ZNF423: variants seen among roughly 807,000 people sequenced by gnomAD.
ZNF423 encodes Ebf-associated zinc finger protein.
Under a neutral mutation model 95.8 loss-of-function variants are expected in ZNF423, and 12 were observed. That is an observed-to-expected ratio of 0.13 (90% CI 0.08 to 0.20). The LOEUF (loss-of-function observed/expected upper bound fraction) is 0.20, where lower values mean the gene tolerates loss of function less well. Ranked by LOEUF, ZNF423 falls within the 10% of genes least tolerant of loss-of-function variation. The probability of loss-of-function intolerance (pLI) is 1.00; values close to 1 mark genes in which losing one functional copy is unlikely to be tolerated. For synonymous variants in ZNF423, 749 were observed against 711.9 expected (o/e 1.05, Z -0.83); for missense variants, 1,316 against 1,737.1 (o/e 0.76, Z 4.31).
At chr16:49,801,731 T>C (rs2034585527) in intron 1 of ZNF423, among the ~76,000 whole-genome samples, 3 of 152,234 alleles carry the variant, frequency 2.0e-5, no homozygotes, top group Admixed American at 1.3e-4. Flanking sequence ...CTTTGATGCG[T>C]GCTTAAGTTT....
chr16:49,597,885 T>G (rs1358731445), intron 5 of ZNF423, among the ~76,000 whole-genome samples: 1 of 152,210 alleles, frequency 6.6e-6, no homozygotes, highest in African/African-American at 2.4e-5. Context: ...CTGGCCTTGT[T>G]CATTCCTCAG....
At chr16:49,803,266 T>C (rs1485339225) in intron 1 of ZNF423, among the ~76,000 whole-genome samples, 1 of 146,476 alleles carries the variant, frequency 6.8e-6, no homozygotes, top group South Asian at 2.3e-4. Context: ...CTCAAAAAAA[T>C]AAAAAATAAA....
chr16:49,775,491 T>C (rs756472346), intron 2 of ZNF423, among the ~76,000 whole-genome samples: 3 of 152,200 alleles, frequency 2.0e-5, no homozygotes, highest in Non-Finnish European at 2.9e-5. Flanking sequence ...TAGCACTTAT[T>C]GGGGACATGC....
intron 3 of ZNF423, among the ~76,000 whole-genome samples, chr16:49,676,648 C>T (rs960901714): frequency 6.6e-6 from 1 of 152,044 alleles, no homozygotes; most frequent in African/African-American, 2.4e-5. Context: ...CACTCATACA[C>T]AAATGTCAAC....
chr16:49,607,069 A>ATT (rs56023806), intron 5 of ZNF423, among the ~76,000 whole-genome samples: 4,399 of 140,976 alleles, frequency 0.031, 109 homozygotes, highest in Non-Finnish European at 0.045. Flanking sequence ...AATGTTTTGG[A>ATT]TTTTTTTTTT....
At chr16:49,542,706 G>T (rs1451867545) in intron 5 of ZNF423, among the ~76,000 whole-genome samples, 2 of 152,216 alleles carry the variant, frequency 1.3e-5, no homozygotes, top group Non-Finnish European at 2.9e-5. Flanking sequence ...GGTGCAGGCT[G>T]GGCCCCAGCC....
chr16:49,698,302 C>T (rs1376135795), intron 3 of ZNF423, among the ~76,000 whole-genome samples: 1 of 151,758 alleles, frequency 6.6e-6, no homozygotes, highest in Non-Finnish European at 1.5e-5. Context: ...TCTGAGTGTG[C>T]AGCCTGCTCA....
chr16:49,601,472 C>A (rs1167621423), intron 5 of ZNF423, among the ~76,000 whole-genome samples: 1 of 152,208 alleles, frequency 6.6e-6, no homozygotes, highest in East Asian at 1.9e-4. Flanking sequence ...AAACTTCCCA[C>A]AGGAACGGAA....
chr16:49,534,279 A>C (rs1968975585), intron 5 of ZNF423, among the ~76,000 whole-genome samples: 1 of 147,718 alleles, frequency 6.8e-6, no homozygotes, highest in African/African-American at 2.5e-5. Flanking sequence ...TTTGAGACCG[A>C]GTTTCACTCT....
intron 3 of ZNF423, among the ~76,000 whole-genome samples, chr16:49,651,201 T>A (rs545576424): frequency 2.8e-4 from 42 of 151,040 alleles, no homozygotes; most frequent in African/African-American, 1.0e-3. Flanking sequence ...TAATTTTTTT[T>A]TTTTTGTAGA....
chr16:49,634,649 G>A (rs137999822), intron 4 of ZNF423, among the ~76,000 whole-genome samples: 52 of 152,304 alleles, frequency 3.4e-4, no homozygotes, highest in African/African-American at 1.1e-3. Flanking sequence ...CCTGCCAATG[G>A]TGCCAGCAGC....
chr16:49,782,948 G>A (rs1023972714), intron 2 of ZNF423, among the ~76,000 whole-genome samples: 2 of 149,364 alleles, frequency 1.3e-5, no homozygotes, highest in South Asian at 4.2e-4. Flanking sequence ...ACATAGCAAG[G>A]CCCTGTCTCA....
At chr16:49,742,610 G>A (rs1256127082) in intron 2 of ZNF423, among the ~76,000 whole-genome samples, 1 of 152,126 alleles carries the variant, frequency 6.6e-6, no homozygotes, top group Non-Finnish European at 1.5e-5. Context: ...TTGTCTCTGG[G>A]AAGGGGGAGA....
chr16:49,608,085 C>T (rs1220939174), intron 5 of ZNF423, among the ~76,000 whole-genome samples: 2 of 152,210 alleles, frequency 1.3e-5, no homozygotes, highest in Non-Finnish European at 2.9e-5. Context: ...CTTTGCCCAG[C>T]TCCTGGTCTA....
intron 2 of ZNF423, among the ~76,000 whole-genome samples, chr16:49,783,800 T>C (rs937946166): frequency 6.6e-6 from 1 of 151,598 alleles, no homozygotes; most frequent in African/African-American, 2.4e-5. Context: ...TGAAACCCCG[T>C]CTCTACTAAA....
At chr16:49,825,078 G>A (rs1162210210) in intron 1 of ZNF423, among the ~76,000 whole-genome samples, 1 of 152,132 alleles carries the variant, frequency 6.6e-6, no homozygotes, top group Non-Finnish European at 1.5e-5. Flanking sequence ...TTTATTATCA[G>A]AGAACCACTT....
At chr16:49,597,207 G>A (rs1212171005) in intron 5 of ZNF423, among the ~76,000 whole-genome samples, 1 of 151,934 alleles carries the variant, frequency 6.6e-6, no homozygotes, top group Non-Finnish European at 1.5e-5. Context: ...GCCAGGGGAA[G>A]ATCAGCCCAC....
chr16:49,707,313 A>G (rs1230239676), intron 3 of ZNF423, among the ~76,000 whole-genome samples: 2 of 152,146 alleles, frequency 1.3e-5, no homozygotes, highest in East Asian at 1.9e-4. Context: ...GGGAGAACCT[A>G]TATACAGAAA....
intron 1 of ZNF423, among the ~76,000 whole-genome samples, chr16:49,820,952 T>C (rs998542064): frequency 6.6e-6 from 1 of 152,236 alleles, no homozygotes; most frequent in Non-Finnish European, 1.5e-5. Context: ...TGCTTTTAAA[T>C]TGGTCTCTGA....
Sources: gnomAD v4.1 joint callset for allele counts (sites outside exome capture counted in the v4.1 genomes callset) on GRCh38, gnomAD v4.1.1 for gene constraint, MANE v1.5 for transcripts, NCBI Gene and HGNC (gene_info 2026-07-23, HGNC 2026-07-21) for gene names.